CLK3: variants seen among roughly 807,000 people sequenced by gnomAD.
CLK3 encodes the protein CDC like kinase 3, also known as dual specificity protein kinase CLK3.
A neutral mutation model predicts 65.2 loss-of-function variants in CLK3; 24 were observed. The ratio of observed to expected loss-of-function variants is 0.37; its 90% CI spans 0.27 to 0.52. The LOEUF (loss-of-function observed/expected upper bound fraction) is 0.52, where lower values mean the gene tolerates loss of function less well. Ranked by LOEUF, CLK3 falls within the 20% of genes least tolerant of loss-of-function variation. CLK3 has a pLI of 0.92. For synonymous variants in CLK3, 252 were observed against 240.8 expected, an observed-to-expected ratio of 1.05 and a Z score of -0.43; for missense variants, 506 against 660.0, an observed-to-expected ratio of 0.77 and a Z score of 2.56.
Position 74,629,725 on chromosome 15 carries a change from TC to T in CLK3, c.1318del (p.Leu440TrpfsTer9). ...KPLKSYMLQD[S>X]LEHVQLFDLM... ...TGAGCAGAGTTACATGCTCCAAGACTCCCTGGAGCACGTGCAGCTGTTTGAC... is the reference window on the plus strand; with the variant it reads ...TGAGCAGAGTTACATGCTCCAAGACTCCTGGAGCACGTGCAGCTGTTTGAC... On this transcript the variant is annotated frameshift_variant, in exon 13 of 13. Transcript: ENST00000395066. LOFTEE classifies it high-confidence loss of function. 1 of 1,612,258 alleles carries T rather than the reference TC, an allele frequency of 6.2e-7. No homozygotes were observed. The highest frequency in any genetic ancestry group is 1.1e-5 in the South Asian group (1 of 90,964).
rs572061294 is a variant in CLK3 at position 74,623,409 on chromosome 15, G to C, written c.533+849G>C. ...CAGGGTTTGCCTGCATCATACTCCAGTTAACAGCAGAGCTGGCCACCACTG... is the reference window on the plus strand; with the variant it reads ...CAGGGTTTGCCTGCATCATACTCCACTTAACAGCAGAGCTGGCCACCACTG... On this transcript the variant is annotated intron_variant, in intron 5 of 12. Transcript: ENST00000395066. Among the ~76,000 whole-genome samples, 14 of 152,342 alleles carry C rather than the reference G, an allele frequency of 9.2e-5. 1 individual carries two copies. Among genetic ancestry groups the C allele is most frequent in the Middle Eastern group, 6.8e-3 (2 of 294 alleles).
chr15:74,628,979 G>T lies in CLK3; in HGVS notation c.1243G>T (p.Asp415Tyr). 1 of 1,614,066 alleles carries T rather than the reference G, an allele frequency of 6.2e-7. No homozygotes were observed. The highest frequency in any genetic ancestry group is 8.5e-7 in the Non-Finnish European group (1 of 1,179,912). ...KYFYKGGLVW[D>Y]ENSSDGRYVK... is the part of the protein sequence containing the mutation. ...TTTCTACAAAGGGGGCCTAGTTTGG[G>T]ATGAGAACAGCTCTGACGGCCGGTA... is the stretch of plus-strand genomic sequence containing the variant. Residue 415 changes from aspartate (D) to tyrosine (Y), a missense_variant, in exon 12 of 13, where the codon GAT becomes TAT. Physicochemically the swap from Asp to Tyr is radical, Grantham distance 160 (BLOSUM62 -3). Coordinates refer to ENST00000395066, the MANE Select transcript of CLK3 (RefSeq NM_001130028.2).
rs1887179818 is a variant in CLK3 at position 74,622,971 on chromosome 15, C to T, written c.533+411C>T. On this transcript the variant is annotated intron_variant, in intron 5 of 12. Coordinates refer to ENST00000395066, the MANE Select transcript of CLK3 (RefSeq NM_001130028.2). This position sits in a 1 kb window ranked among gnomAD's most constrained non-coding sequence, Gnocchi z 4.6. ...GCCCAGCCCAAGCATAAGTCCCATT[C>T]CCTGAGGGTCTGCCTGAGAGGCTGT... Among the ~76,000 whole-genome samples, 1 of 152,198 alleles carries T rather than the reference C, an allele frequency of 6.6e-6. No individual in the cohort carries two copies. Among genetic ancestry groups the T allele is most frequent in the African/African-American group, 2.4e-5 (1 of 41,454 alleles).
At chr15:74,618,456 T>C in intron 1 of CLK3, among the ~76,000 whole-genome samples, 1 of 152,138 alleles carries the variant, frequency 6.6e-6, no homozygotes, top group Non-Finnish European at 1.5e-5. Context: ...ACGGTACTGT[T>C]GGATAAAGGC....
chr15:74,619,867 C>T (rs2062087370), intron 2 of CLK3, 142 bp from the exon 3 acceptor site: 2 of 1,392,766 alleles, frequency 1.4e-6, no homozygotes, highest in East Asian at 2.5e-5. Flanking sequence ...GCACCCTCCC[C>T]TCTCTGCCCA....
chr15:74,619,043 TCA>T (rs2141539504), intron 1 of CLK3, 152 bp from the exon 2 acceptor site: 8 of 814,106 alleles, frequency 9.8e-6, no homozygotes, highest in Non-Finnish European at 1.4e-5. Context: ...CAGTGTGACC[TCA>T]GAGTTCTTCT....
upstream of CLK3, chr15:74,615,637 G>T (rs549015478): frequency 2.2e-5 from 28 of 1,252,188 alleles, no homozygotes; most frequent in African/African-American, 4.2e-4. Context: ...CGGGAGGCGG[G>T]CCGGGCCAGG....
chr15:74,609,470 A>G (rs554619255), intron 1 of CLK3, among the ~76,000 whole-genome samples: 4 of 152,266 alleles, frequency 2.6e-5, no homozygotes, highest in South Asian at 4.1e-4. Context: ...CTTGCCCTAC[A>G]TTGGAATCCC....
chr15:74,629,890 C>T lies in CLK3; in HGVS notation c.*7C>T. 1 of 1,603,546 alleles carries T rather than the reference C, an allele frequency of 6.2e-7. No homozygotes were observed. The highest frequency in any genetic ancestry group is 2.3e-5 in the East Asian group (1 of 44,294). ...CCGCAACCCAAGCAGATGACAGGCA[C>T]AGGCCACCGCATGAGGAGATGGAGG... On this transcript the variant is annotated 3_prime_UTR_variant, in exon 13 of 13. Transcript: ENST00000395066.
chr15:74,625,066 G>A, intron 6 of CLK3, 48 bp downstream of exon 6: 2 of 1,391,532 alleles, frequency 1.4e-6, no homozygotes, highest in Non-Finnish European at 1.0e-6. Flanking sequence ...GGGGCTGCTG[G>A]ACCCCCAGGG....
chr15:74,620,127 C>G lies in CLK3; in HGVS notation c.271C>G (p.His91Asp). ...EDYYGPSRSR[H>D]RRRSRERGPY... is the part of the protein sequence containing the mutation. ...CTACTATGGACCTTCACGTTCTCGT[C>G]ATCGTCGGCGATCGCGGGAGAGGGG... Residue 91 changes from histidine to aspartate, a missense_variant, in exon 3 of 13, where the codon CAT becomes GAT. Around this residue, in one of 2 missense-constraint regions of CLK3, gnomAD observed 181 missense variants for 159.4 expected, o/e 1.14. Coordinates refer to ENST00000395066, the MANE Select transcript of CLK3 (RefSeq NM_001130028.2). 6.2e-7 allele frequency: 1 copy of G among 1,614,194 alleles called. No individual in the cohort carries two copies. The highest frequency in any genetic ancestry group is 1.7e-5 in the Admixed American group (1 of 60,030).
At chr15:74,628,446 G>A (rs2141552991) in intron 10 of CLK3, 158 bp from the exon 11 acceptor site, 5 of 599,134 alleles carry the variant, frequency 8.3e-6, no homozygotes, top group Non-Finnish European at 1.5e-5. Flanking sequence ...GAGGAGCCTA[G>A]GCACAGGCTG....
At position 74,624,793 on chromosome 15, in the gene CLK3, C is replaced by T. The variant is rs371403765; in HGVS notation, c.534-109C>T. 30 of 772,012 alleles carry T rather than the reference C, an allele frequency of 3.9e-5. No homozygotes were observed. Among genetic ancestry groups the T allele is most frequent in the African/African-American group, 3.4e-4 (20 of 58,254 alleles). 47.8% of individuals were successfully genotyped at this position (772,012 alleles called of 1,614,324 possible). On this transcript the variant is annotated intron_variant, in intron 5 of 12. Transcript: ENST00000395066. This position sits in a 1 kb window ranked among gnomAD's most constrained non-coding sequence, Gnocchi z 4.2. ...ATCCAGTATCTGCTCTCTTCAGTGC[C>T]GGCTGCTCCTGGAGTGGTGTTTGTT...
At chr15:74,615,793 G>GTC, upstream of CLK3, 1 of 1,242,772 alleles carries the variant, frequency 8.0e-7, no homozygotes, top group South Asian at 3.5e-5. Context: ...CGACGGCTGC[G>GTC]TCACGCGAGG....
chr15:74,626,286 G>A (rs1038479766), intron 7 of CLK3, among the ~76,000 whole-genome samples: 2 of 152,224 alleles, frequency 1.3e-5, no homozygotes, highest in Admixed American at 6.5e-5. Flanking sequence ...GGGATAAAAA[G>A]GTAGAAGCCT....
chr15:74,612,585 C>T (rs890625176), upstream of CLK3, among the ~76,000 whole-genome samples: 1 of 152,168 alleles, frequency 6.6e-6, no homozygotes, highest in Non-Finnish European at 1.5e-5. Context: ...TCTACCACCC[C>T]CACCCTGACC....
At chr15:74,612,047 T>C (rs1162791780), upstream of CLK3, among the ~76,000 whole-genome samples, 1 of 152,200 alleles carries the variant, frequency 6.6e-6, no homozygotes, top group African/African-American at 2.4e-5. Context: ...GGGTGGCCAC[T>C]TGCTGAACAC....
At position 74,629,041 on chromosome 15, in the gene CLK3, C is replaced by G. The variant is rs2062168645; in HGVS notation, c.1296+9C>G. The G allele has an allele frequency of 6.2e-7, 1 of 1,602,646 alleles. No homozygotes were observed. The highest frequency in any genetic ancestry group is 8.6e-7 in the Non-Finnish European group (1 of 1,169,578). On this transcript the variant is annotated intron_variant, in intron 12 of 12. Transcript: ENST00000395066. ...ACTGCAAACCTCTGAAGGTCAGTTTCTGGCTACCCCCAGCTGAACTCATGC... is the reference window on the plus strand; with the variant it reads ...ACTGCAAACCTCTGAAGGTCAGTTTGTGGCTACCCCCAGCTGAACTCATGC...
intron 1 of CLK3, chr15:74,608,645 A>AG: frequency 6.6e-6 from 1 of 152,488 alleles, no homozygotes; most frequent in Admixed American, 6.5e-5. Flanking sequence ...GGCCAGCAGG[A>AG]GGGGCTTGGC....
Sources: allele counts gnomAD v4.1 joint callset (sites outside exome capture counted in the v4.1 genomes callset), GRCh38; gene constraint gnomAD v4.1.1; regional missense constraint gnomAD v4.1.1; non-coding constraint Gnocchi (gnomAD v3.1); transcripts MANE v1.5; gene names NCBI Gene and HGNC (gene_info 2026-07-23, HGNC 2026-07-21).